STXBP5L: variants seen among roughly 807,000 people sequenced by gnomAD.
STXBP5L encodes the protein syntaxin binding protein 5L, also known as syntaxin-binding protein 5-like.
Under a neutral mutation model 144.5 loss-of-function variants are expected in STXBP5L, and 65 were observed. The observed-to-expected ratio is 0.45, with a 90% CI of 0.37 to 0.55. The LOEUF (loss-of-function observed/expected upper bound fraction) is 0.55. Among genes scored for constraint, STXBP5L ranks in the 20% least tolerant of loss-of-function variants. The pLI, the probability that STXBP5L is intolerant of heterozygous loss-of-function variation, is 0.00. For missense variants in STXBP5L, 1,298 were observed against 1,405.5 expected (o/e 0.92, Z 1.22); for synonymous variants, 505 against 469.6 (o/e 1.08, Z -0.97).
intron 3 of STXBP5L, among the ~76,000 whole-genome samples, chr3:120,996,716 A>G (rs531359810): frequency 2.0e-5 from 3 of 152,000 alleles, no homozygotes; most frequent in Admixed American, 6.6e-5. Flanking sequence ...CTGTTTTTCT[A>G]TCTGTGTCTG....
chr3:121,282,422 TTC>T, intron 19 of STXBP5L: 1 of 1,302,114 alleles, frequency 7.7e-7, no homozygotes, highest in Non-Finnish European at 1.1e-6. Flanking sequence ...AGTAATGTGT[TTC>T]TTAAAACACA....
intron 5 of STXBP5L, among the ~76,000 whole-genome samples, chr3:121,092,305 A>G (rs1381933332): frequency 1.3e-5 from 2 of 151,996 alleles, no homozygotes; most frequent in Admixed American, 6.6e-5. Flanking sequence ...CAATTCTGTG[A>G]TGAAAGTCAT....
At chr3:121,187,097 A>G (rs2108137314) in intron 9 of STXBP5L, among the ~76,000 whole-genome samples, 1 of 152,326 alleles carries the variant, frequency 6.6e-6, no homozygotes, top group African/African-American at 2.4e-5. Flanking sequence ...AGATGCTGCT[A>G]TAAAGACACA....
chr3:120,970,447 C>G (rs928125527), intron 3 of STXBP5L, among the ~76,000 whole-genome samples: 2 of 152,046 alleles, frequency 1.3e-5, no homozygotes, highest in African/African-American at 4.8e-5. Context: ...TTGCTGGGTA[C>G]AGTATTTTTG....
chr3:121,144,792 C>T (rs761558170), intron 7 of STXBP5L, among the ~76,000 whole-genome samples: 3 of 151,830 alleles, frequency 2.0e-5, no homozygotes, highest in Non-Finnish European at 4.4e-5. Context: ...CTATAATACA[C>T]GTGGTATTTC....
intron 20 of STXBP5L, among the ~76,000 whole-genome samples, chr3:121,370,688 AG>A (rs2046003924): frequency 6.6e-6 from 1 of 152,096 alleles, no homozygotes; most frequent in Admixed American, 6.6e-5. Flanking sequence ...TATTTCTCAG[AG>A]GTTTTGTTCA....
intron 3 of STXBP5L, among the ~76,000 whole-genome samples, chr3:121,026,120 C>G (rs1416420306): frequency 6.7e-6 from 1 of 150,312 alleles, no homozygotes; most frequent in Non-Finnish European, 1.5e-5. Context: ...TTCATTACAT[C>G]TAAAATAAAA....
chr3:121,223,906 G>A (rs913336359), intron 11 of STXBP5L, among the ~76,000 whole-genome samples: 63 of 151,492 alleles, frequency 4.2e-4, no homozygotes, highest in African/African-American at 1.5e-3. Flanking sequence ...GACTGGCCTG[G>A]GCAACATAAT....
At chr3:121,338,390 T>C (rs1419408233) in intron 20 of STXBP5L, among the ~76,000 whole-genome samples, 1 of 151,884 alleles carries the variant, frequency 6.6e-6, no homozygotes, top group Non-Finnish European at 1.5e-5. Flanking sequence ...ACGCCTGTAA[T>C]CCCAGCACTT....
At chr3:121,246,309 C>T (rs2049851371) in intron 14 of STXBP5L, among the ~76,000 whole-genome samples, 2 of 152,180 alleles carry the variant, frequency 1.3e-5, no homozygotes, top group South Asian at 4.1e-4. Context: ...CATCTCTCAC[C>T]ACCCGCATCT....
chr3:121,206,919 G>A (rs1029235616), intron 10 of STXBP5L, among the ~76,000 whole-genome samples: 31 of 152,042 alleles, frequency 2.0e-4, no homozygotes, highest in African/African-American at 6.8e-4. Flanking sequence ...AATAAATCTT[G>A]CCTAAACATT....
intron 19 of STXBP5L, among the ~76,000 whole-genome samples, chr3:121,283,694 G>A (rs1314231803): frequency 6.6e-6 from 1 of 151,942 alleles, no homozygotes; most frequent in Admixed American, 6.6e-5. Context: ...GGCCTAAAAT[G>A]TTTACTATCC....
chr3:121,286,570 G>A (rs188286651), intron 19 of STXBP5L, among the ~76,000 whole-genome samples: 1 of 152,254 alleles, frequency 6.6e-6, no homozygotes, highest in Non-Finnish European at 1.5e-5. Context: ...AGGTGGCAAT[G>A]CAATAATAGG....
chr3:121,004,236 T>C (rs1944056879), intron 3 of STXBP5L, among the ~76,000 whole-genome samples: 1 of 151,886 alleles, frequency 6.6e-6, no homozygotes, highest in Admixed American at 6.6e-5. Context: ...CGAGCAGTGG[T>C]TTGTAGCTCT....
At chr3:120,940,086 A>G (rs1559890252) in intron 2 of STXBP5L, among the ~76,000 whole-genome samples, 1 of 152,022 alleles carries the variant, frequency 6.6e-6, no homozygotes, top group African/African-American at 2.4e-5. Context: ...ATTATTTTCT[A>G]TGACTGCTAA....
chr3:121,309,737 A>G lies in STXBP5L; in HGVS notation c.2111-8738A>G, dbSNP rs373306649. 5.9e-5 allele frequency among the ~76,000 whole-genome samples: 9 copies of G among 152,316 alleles called. No individual in the cohort carries two copies. In the South Asian group the frequency reaches 1.7e-3, roughly 28 times the overall value. ...TTACAGGTTGGAAGACTCACCTTTT[A>G]AAAGATCTTTATTCTACCAAATTAA... On this transcript the variant is annotated intron_variant, in intron 19 of 26. Coordinates refer to ENST00000471454, the MANE Select transcript of STXBP5L (RefSeq NM_001308330.2).
intron 3 of STXBP5L, among the ~76,000 whole-genome samples, chr3:120,977,832 G>T (rs60481630): frequency 1.2e-3 from 179 of 152,240 alleles, no homozygotes; most frequent in African/African-American, 4.2e-3. Context: ...ATGAAATTCT[G>T]GGTTGAAAAT....
chr3:121,367,403 T>C (rs2108651480), intron 20 of STXBP5L, among the ~76,000 whole-genome samples: 1 of 152,114 alleles, frequency 6.6e-6, no homozygotes, highest in East Asian at 1.9e-4. Context: ...TTTTGCCAGA[T>C]ATAGGACTCT....
chr3:121,037,045 G>A (rs991537650), intron 3 of STXBP5L, among the ~76,000 whole-genome samples: 3 of 151,846 alleles, frequency 2.0e-5, no homozygotes, highest in African/African-American at 7.3e-5. Context: ...TCCCACTTAA[G>A]CCTGCTGAGT....
Sources: allele counts gnomAD v4.1 joint callset (sites outside exome capture counted in the v4.1 genomes callset), GRCh38; gene constraint gnomAD v4.1.1; transcripts MANE v1.5; gene names NCBI Gene and HGNC (gene_info 2026-07-23, HGNC 2026-07-21).